DISP3: variants seen among roughly 807,000 people sequenced by gnomAD.
The protein encoded by DISP3 is dispatched RND transporter family member 3.
In DISP3, 101 loss-of-function variants were observed where a neutral mutation model predicts 135.3. The observed-to-expected ratio is 0.75, with a 90% CI of 0.64 to 0.88. The LOEUF (loss-of-function observed/expected upper bound fraction) is 0.88. Ranked by LOEUF, DISP3 falls within the 40% of genes least tolerant of loss-of-function variation. The pLI is 0.00. For missense variants in DISP3, 1,713 were observed against 1,878.6 expected (o/e 0.91, Z 1.63); for synonymous variants, 856 against 817.0 (o/e 1.05, Z -0.81).
chr1:11,507,629 G>A (rs774406911), intron 3 of DISP3, among the ~76,000 whole-genome samples: 1 of 152,216 alleles, frequency 6.6e-6, no homozygotes, highest in Non-Finnish European at 1.5e-5. Flanking sequence ...AAAAATGGCT[G>A]TAGAAGGGCA....
Position 11,498,336 on chromosome 1 carries a change from C to T in DISP3, c.-3-2654C>T, listed in dbSNP as rs192331574. ...CGGGGGCTGGAATTGTCTGCAGCAG[C>T]GTCGCTCACATGCTCACATCACATG... On this transcript the variant is annotated intron_variant, in intron 1 of 20. Coordinates refer to ENST00000294484, the MANE Select transcript of DISP3 (RefSeq NM_020780.2). Among the ~76,000 whole-genome samples the T allele has an allele frequency of 3.7e-4, 57 of 152,150 alleles. No homozygotes were observed. The East Asian group carries it at 9.8e-3, about 26-fold the overall frequency.
intron 3 of DISP3, among the ~76,000 whole-genome samples, chr1:11,507,506 A>T (rs1210794268): frequency 2.0e-5 from 3 of 152,216 alleles, no homozygotes; most frequent in Non-Finnish European, 1.5e-5. Context: ...AAACCTGGCC[A>T]TGTGTTCTGC....
At position 11,531,805 on chromosome 1, in the gene DISP3, T is replaced by G. The variant is rs1220121274; in HGVS notation, c.3375+95T>G. 2.0e-6 allele frequency: 3 copies of G among 1,478,500 alleles called. No individual in the cohort carries two copies. The highest frequency in any genetic ancestry group is 2.3e-5 in the Admixed American group (1 of 42,986). 91.6% of individuals were successfully genotyped at this position (1,478,500 alleles called of 1,614,324 possible). A position where few individuals can be genotyped will look rare whatever the true frequency, so the allele number is the denominator to read the frequency against. ...CCCTCTTCCCAGATCGGGGGGGAGATGCTGAGGCCCAGAGAGGTGGAGTGA... is the reference window on the plus strand; with the variant it reads ...CCCTCTTCCCAGATCGGGGGGGAGAGGCTGAGGCCCAGAGAGGTGGAGTGA... On this transcript the variant is annotated intron_variant, in intron 17 of 20. Coordinates refer to ENST00000294484, the MANE Select transcript of DISP3 (RefSeq NM_020780.2). This position sits in a 1 kb window ranked among gnomAD's most constrained non-coding sequence, Gnocchi z 5.2.
rs779607805 is a variant in DISP3, at chr1:11,500,998, C to T, written c.6C>T (p.Asp2=). ...CTCTCCCTCTCCTGCAGACTATGGA[C>T]ACGGAGGATGACCCCTTGCTGCAGG... The part of the protein sequence containing the change: M[D]TEDDPLLQDV... The change falls in exon 2 of 21, where the codon GAC becomes GAT. Residue 2 remains aspartate (D), a synonymous_variant. Transcript: ENST00000294484. 6.2e-7 allele frequency: 1 copy of T among 1,613,874 alleles called. No individual in the cohort carries two copies. Among genetic ancestry groups the T allele is most frequent in the South Asian group, 1.1e-5 (1 of 91,080 alleles).
In DISP3 at chr1:11,518,567, C is replaced by T. The variant is rs193124596; in HGVS notation, c.1890-788C>T. ...CTACAGAGATGCAAAATAAGCCCCACGTCTGCCCCCCGGCCTGGGGCTGTC... is the reference window on the plus strand; with the variant it reads ...CTACAGAGATGCAAAATAAGCCCCATGTCTGCCCCCCGGCCTGGGGCTGTC... On this transcript the variant is annotated intron_variant, in intron 7 of 20. Coordinates refer to ENST00000294484, the MANE Select transcript of DISP3 (RefSeq NM_020780.2). Among the ~76,000 whole-genome samples the T allele has an allele frequency of 1.1e-3, 174 of 152,294 alleles. 1 individual carries two copies. Among genetic ancestry groups the T allele is most frequent in the African/African-American group, 4.1e-3 (171 of 41,562 alleles).
Position 11,519,521 on chromosome 1 carries a change from CCTGCCCTA to C in DISP3, c.2038+22_2038+29del. 1 of 1,612,800 alleles carries C rather than the reference CCTGCCCTA, an allele frequency of 6.2e-7. No homozygotes were observed. Among genetic ancestry groups the C allele is most frequent in the Non-Finnish European group, 8.5e-7 (1 of 1,179,826 alleles). ...AGAGCCAGGTGAGAGCTGGCACAGG[CCTGCCCTA>C]CTGACCCCAGTGAGACCCAGCGCTG... is the stretch of plus-strand genomic sequence containing the variant. On this transcript the variant is annotated intron_variant, in intron 8 of 20. Coordinates refer to ENST00000294484, the MANE Select transcript of DISP3 (RefSeq NM_020780.2). The surrounding 1 kb of genome is among the most constrained non-coding windows in gnomAD (Gnocchi z 4.3).
intron 3 of DISP3, among the ~76,000 whole-genome samples, chr1:11,509,641 C>T (rs938240668): frequency 1.3e-5 from 2 of 152,024 alleles, no homozygotes; most frequent in African/African-American, 4.8e-5. Flanking sequence ...TCTTCTTTGC[C>T]CCTAGTTATA....
intron 11 of DISP3, among the ~76,000 whole-genome samples, chr1:11,524,828 C>T (rs1435193100): frequency 6.4e-5 from 8 of 125,460 alleles, no homozygotes; most frequent in Admixed American, 4.6e-4. Flanking sequence ...CCATCTCCCC[C>T]ATCATCCCTG....
chr1:11,519,665 G>A lies in DISP3; in HGVS notation c.2039-54G>A. 1 of 1,590,302 alleles carries A rather than the reference G, an allele frequency of 6.3e-7. No individual in the cohort carries two copies. Among genetic ancestry groups the A allele is most frequent in the South Asian group, 1.1e-5 (1 of 89,630 alleles). ...CTGGGCTTCCCTGGAAGCGAGCGTGGACCACAGTGGGCTTTGATTCAGGCT... is the reference window on the plus strand; with the variant it reads ...CTGGGCTTCCCTGGAAGCGAGCGTGAACCACAGTGGGCTTTGATTCAGGCT... On this transcript the variant is annotated intron_variant, in intron 8 of 20. Transcript: ENST00000294484. This position sits in a 1 kb window ranked among gnomAD's most constrained non-coding sequence, Gnocchi z 4.3.
rs760059017 is a variant in DISP3, at chr1:11,505,101, A to G, written c.1316+2204A>G. On this transcript the variant is annotated intron_variant, in intron 3 of 20. Transcript: ENST00000294484. ...TCACAGTACATTCCTCCAGTCAACA[A>G]CATCGGCATCACCTAGGGGCTTGTT... Among the ~76,000 whole-genome samples, 35 of 152,366 alleles carry G rather than the reference A, an allele frequency of 2.3e-4. 1 individual carries two copies. The highest frequency in any genetic ancestry group is 4.6e-4 in the Admixed American group (7 of 15,312).
chr1:11,507,340 T>G (rs966649620), intron 3 of DISP3, among the ~76,000 whole-genome samples: 11 of 152,280 alleles, frequency 7.2e-5, no homozygotes, highest in Non-Finnish European at 1.6e-4. Context: ...TTTCCCCTGA[T>G]AGGTTCCAAA....
chr1:11,534,772 G>A, intron 18 of DISP3: 1 of 773,990 alleles, frequency 1.3e-6, no homozygotes, highest in Non-Finnish European at 2.2e-6. Context: ...AAAAGTAACA[G>A]TCATGACCAT....
At position 11,501,506 on chromosome 1, in the gene DISP3, C is replaced by G; in HGVS notation, c.514C>G (p.Pro172Ala). 6.2e-7 allele frequency: 1 copy of G among 1,606,286 alleles called. No individual in the cohort carries two copies. ...CCGCTCGCGGCAAGCCTCCCGAGCC[C>G]CCCGCGTCATCCCCGCGGCCTCACT... ...GNRSRQASRA[P>A]RVIPAASLGG... The change falls in exon 2 of 21, where the codon CCC becomes GCC. Residue 172 changes from proline (P) to alanine (A), a missense_variant. Physicochemically the swap from Pro to Ala is conservative, Grantham distance 27. Coordinates refer to ENST00000294484, the MANE Select transcript of DISP3 (RefSeq NM_020780.2). This position sits in a 1 kb window ranked among gnomAD's most constrained non-coding sequence, Gnocchi z 4.9.
chr1:11,513,815 T>G (rs988461244), intron 3 of DISP3, among the ~76,000 whole-genome samples: 3 of 152,220 alleles, frequency 2.0e-5, no homozygotes, highest in Admixed American at 6.5e-5. Context: ...CATCCTTGGT[T>G]GCCTTGTTTC....
rs1393310614 is a variant in DISP3 at position 11,506,600 on chromosome 1, AC to A, written c.1316+3704del. 2.0e-5 allele frequency among the ~76,000 whole-genome samples: 3 copies of A among 152,266 alleles called. No individual in the cohort carries two copies. The East Asian group carries it at 5.8e-4, about 29-fold the overall frequency. ...TTTGAATCTCTTATAGATCTAAATC[AC>A]TGGTGCAATTATTTTATTCATCATT... On this transcript the variant is annotated intron_variant, in intron 3 of 20. Transcript: ENST00000294484.
At chr1:11,489,184 C>T (rs917502685) in intron 1 of DISP3, among the ~76,000 whole-genome samples, 1 of 152,242 alleles carries the variant, frequency 6.6e-6, no homozygotes, top group Non-Finnish European at 1.5e-5. Context: ...CGGGTACAGC[C>T]CTCTCCCAGA....
intron 7 of DISP3, among the ~76,000 whole-genome samples, chr1:11,518,273 G>A (rs774888832): frequency 9.9e-5 from 15 of 152,174 alleles, no homozygotes; most frequent in Non-Finnish European, 1.6e-4. Flanking sequence ...GACAATGTCC[G>A]CTCGCCCATG....
At chr1:11,484,318 G>C (rs926939670) in intron 1 of DISP3, among the ~76,000 whole-genome samples, 1 of 152,218 alleles carries the variant, frequency 6.6e-6, no homozygotes, top group East Asian at 1.9e-4. Flanking sequence ...GCAGAGCCCC[G>C]CTGGCTGGTT....
rs1045798554 is a variant in DISP3 at position 11,491,875 on chromosome 1, C to T, written c.-3-9115C>T. On this transcript the variant is annotated intron_variant, in intron 1 of 20. Transcript: ENST00000294484. The surrounding 1 kb of genome is among the most constrained non-coding windows in gnomAD (Gnocchi z 4.3). ...CGGTGGCTCACGCCTGTAATCCCAG[C>T]ACTTTGGGAGGCCGAGGCGGGCGGA... 3.9e-5 allele frequency among the ~76,000 whole-genome samples: 6 copies of T among 151,982 alleles called. No homozygotes were observed. Among genetic ancestry groups the T allele is most frequent in the African/African-American group, 1.4e-4 (6 of 41,388 alleles).
Sources: gnomAD v4.1 joint callset for allele counts (sites outside exome capture counted in the v4.1 genomes callset) on GRCh38, gnomAD v4.1.1 for gene constraint, Gnocchi (gnomAD v3.1) non-coding constraint, MANE v1.5 for transcripts, NCBI Gene and HGNC (gene_info 2026-07-23, HGNC 2026-07-21) for gene names.